Variants in ROBO2 observed in about 807,000 individuals in gnomAD.
The protein encoded by ROBO2 is roundabout guidance receptor 2.
In ROBO2, 53 loss-of-function variants were observed where a neutral mutation model predicts 160.8. The observed-to-expected ratio is 0.33, with a 90% confidence interval of 0.26 to 0.41. The LOEUF is 0.41. Ranked by LOEUF, ROBO2 falls within the 10% of genes least tolerant of loss-of-function variation. ROBO2 has a pLI of 1.00. For synonymous variants in ROBO2, 664 were observed against 611.7 expected (o/e 1.09, Z -1.26); for missense variants, 1,577 against 1,722.4 (o/e 0.92, Z 1.49).
At chr3:77,054,164 A>T (rs2065489304) in intron 1 of ROBO2, among the ~76,000 whole-genome samples, 1 of 152,172 alleles carries the variant, frequency 6.6e-6, no homozygotes, top group Non-Finnish European at 1.5e-5. Flanking sequence ...AAGTTCAAGT[A>T]GTTCCTTTTT....
chr3:77,298,440 G>T (rs2062348023), intron 2 of ROBO2, among the ~76,000 whole-genome samples: 1 of 152,186 alleles, frequency 6.6e-6, no homozygotes. Context: ...CCAAACTAAG[G>T]AATTCTTGAG....
At chr3:76,369,008 T>C (rs2075971626) in intron 2 of ROBO2, among the ~76,000 whole-genome samples, 2 of 152,096 alleles carry the variant, frequency 1.3e-5, no homozygotes, top group South Asian at 4.1e-4. Flanking sequence ...AACCTTCCCT[T>C]GACTCCGTAG....
intron 2 of ROBO2, among the ~76,000 whole-genome samples, chr3:76,273,120 AATATATAT>A (rs749043409): frequency 0.06 from 1,954 of 32,342 alleles, 77 homozygotes; most frequent in Admixed American, 0.099. Context: ...CACACATATA[AATATATAT>A]ATATATATAT....
At chr3:76,040,270 T>G (rs2107760298) in intron 2 of ROBO2, among the ~76,000 whole-genome samples, 1 of 151,988 alleles carries the variant, frequency 6.6e-6, no homozygotes, top group South Asian at 2.1e-4. Context: ...ATTTTTTGAG[T>G]GCTTCAAATT....
chr3:77,177,740 T>A (rs1354971353), intron 2 of ROBO2, among the ~76,000 whole-genome samples: 1 of 152,016 alleles, frequency 6.6e-6, no homozygotes, highest in Non-Finnish European at 1.5e-5. Context: ...GAAAATTAAA[T>A]TTTTAATCAA....
intron 2 of ROBO2, among the ~76,000 whole-genome samples, chr3:76,530,361 TTTGGAGACACTGACTC>T (rs1250876290): frequency 6.6e-6 from 1 of 152,140 alleles, no homozygotes; most frequent in African/African-American, 2.4e-5. Flanking sequence ...GGCCTTGGAA[TTTGGAGACACTGACTC>T]TATTACCAGG....
At position 77,525,785 on chromosome 3, in the gene ROBO2, CT is replaced by C. The variant is rs764350929; in HGVS notation, c.934+2895del. Reference sequence around the variant, plus strand: ...AAAACATGATTTCTCACCACAGTTTCTTTTTTTTTTTTCTTTTGTCAATATC... The same window carrying C: ...AAAACATGATTTCTCACCACAGTTTCTTTTTTTTTTTCTTTTGTCAATATC... On this transcript the variant is annotated intron_variant, in intron 6 of 25. Transcript: ENST00000461745. Among the ~76,000 whole-genome samples the C allele has an allele frequency of 9.3e-3, 1,312 of 141,544 alleles. 11 individuals are homozygous for C. Among genetic ancestry groups the C allele is most frequent in the African/African-American group, 0.024 (930 of 39,118 alleles). 92.9% of individuals were successfully genotyped at this position (141,544 alleles called of 152,430 possible).
At chr3:75,979,255 T>G (rs1341444736) in intron 2 of ROBO2, among the ~76,000 whole-genome samples, 2 of 151,528 alleles carry the variant, frequency 1.3e-5, no homozygotes, top group Non-Finnish European at 3.0e-5. Flanking sequence ...GTGGGACTGG[T>G]GAGGGATAAA....
chr3:77,025,684 AGAATGG>A (rs2062919912), intron 2 of ROBO2, among the ~76,000 whole-genome samples: 1 of 152,200 alleles, frequency 6.6e-6, no homozygotes, highest in African/African-American at 2.4e-5. Flanking sequence ...CAGAGGTCTT[AGAATGG>A]GCTGGTAGGG....
Position 76,211,166 on chromosome 3 carries a change from C to T in ROBO2, c.109+273564C>T, listed in dbSNP as rs1303772267. Among the ~76,000 whole-genome samples the T allele has an allele frequency of 3.9e-5, 6 of 152,180 alleles. No individual in the cohort carries two copies. The East Asian group carries it at 5.8e-4, about 15-fold the overall frequency. On this transcript the variant is annotated intron_variant, in intron 2 of 26. Transcript: ENST00000487694. ...TGACAATGTTTGCCCTTCTATAAAG[C>T]GCTTCAGGAGCCATACTTACCCTTG... is the stretch of plus-strand genomic sequence containing the variant.
chr3:77,390,306 T>A (rs372066135), intron 2 of ROBO2, among the ~76,000 whole-genome samples: 31 of 152,308 alleles, frequency 2.0e-4, no homozygotes, highest in African/African-American at 7.5e-4. Context: ...GTGTTTTTCT[T>A]GATGTATGGC....
At chr3:76,193,277 C>T (rs1702100036) in intron 2 of ROBO2, among the ~76,000 whole-genome samples, 2 of 152,100 alleles carry the variant, frequency 1.3e-5, no homozygotes, top group South Asian at 4.1e-4. Flanking sequence ...TATGTTTCTG[C>T]TCTTTCAACC....
intron 2 of ROBO2, among the ~76,000 whole-genome samples, chr3:77,313,824 T>G (rs926055766): frequency 2.6e-5 from 4 of 152,194 alleles, no homozygotes; most frequent in Admixed American, 1.3e-4. Context: ...CCTCAGGTGA[T>G]CTGCCTACCT....
intron 5 of ROBO2, among the ~76,000 whole-genome samples, chr3:77,514,232 T>G (rs9833719): frequency 0.79 from 120,180 of 151,374 alleles, 48,459 homozygotes; most frequent in African/African-American, 0.94. Context: ...TCTTAAAGAA[T>G]GCTAAATGCA....
At chr3:76,024,584 A>C (rs765778313) in intron 2 of ROBO2, among the ~76,000 whole-genome samples, 1 of 151,688 alleles carries the variant, frequency 6.6e-6, no homozygotes, top group Non-Finnish European at 1.5e-5. Flanking sequence ...ACTGGAAGCT[A>C]TATGGAAAGA....
chr3:76,390,930 A>G (rs2077119881), intron 2 of ROBO2, among the ~76,000 whole-genome samples: 1 of 152,178 alleles, frequency 6.6e-6, no homozygotes, highest in Non-Finnish European at 1.5e-5. Context: ...AGTGTACCCA[A>G]TAAATAAAAC....
intron 2 of ROBO2, among the ~76,000 whole-genome samples, chr3:76,231,224 G>A (rs1008084379): frequency 1.3e-5 from 2 of 152,124 alleles, no homozygotes; most frequent in African/African-American, 2.4e-5. Flanking sequence ...GTTTCTCAGC[G>A]TAATACATGA....
intron 2 of ROBO2, among the ~76,000 whole-genome samples, chr3:76,459,378 A>T (rs2077963236): frequency 6.6e-6 from 1 of 152,206 alleles, no homozygotes; most frequent in Non-Finnish European, 1.5e-5. Flanking sequence ...TGGCAAAAAG[A>T]ATTTATTAAA....
At chr3:77,424,168 A>C (rs2077966962) in intron 2 of ROBO2, among the ~76,000 whole-genome samples, 1 of 152,204 alleles carries the variant, frequency 6.6e-6, no homozygotes, top group African/African-American at 2.4e-5. Flanking sequence ...CCAGAGAAAT[A>C]GTAACTCTGG....
Sources: gnomAD v4.1 joint callset for allele counts (sites outside exome capture counted in the v4.1 genomes callset) on GRCh38, gnomAD v4.1.1 for gene constraint, MANE v1.5 for transcripts, NCBI Gene and HGNC (gene_info 2026-07-23, HGNC 2026-07-21) for gene names.